The following SEPTIN12 variants were observed in gnomAD, a reference collection of about 807,000 sequenced individuals.
SEPTIN12 encodes septin 12.
In SEPTIN12, 42 loss-of-function variants were observed where a neutral mutation model predicts 37.7. The ratio of observed to expected loss-of-function variants is 1.11; its 90% CI spans 0.87 to 1.44. The LOEUF (loss-of-function observed/expected upper bound fraction) is 1.44. Ranked by LOEUF, SEPTIN12 falls within the 40% of genes most tolerant of loss-of-function variation. The pLI, the probability that SEPTIN12 is intolerant of heterozygous loss-of-function variation, is 0.00. For synonymous variants in SEPTIN12, 254 were observed against 196.7 expected, an observed-to-expected ratio of 1.29 and a Z score of -2.44; for missense variants, 613 against 479.2, an observed-to-expected ratio of 1.28 and a Z score of -2.61.
chr16:4,790,633 C>A (rs1320653421), upstream of SEPTIN12, among the ~76,000 whole-genome samples: 2 of 152,100 alleles, frequency 1.3e-5, no homozygotes, highest in Admixed American at 6.6e-5. Context: ...ACTAAAAATA[C>A]AAGAATTAGC....
chr16:4,783,479 G>A lies in SEPTIN12; in HGVS notation c.709C>T (p.Leu237Phe). 1 of 1,614,040 alleles carries A rather than the reference G, an allele frequency of 6.2e-7. No individual in the cohort carries two copies. Among genetic ancestry groups the A allele is most frequent in the Non-Finnish European group, 8.5e-7 (1 of 1,179,974 alleles). The change falls in exon 7 of 10, where the codon CTC becomes TTC. Residue 237 changes from leucine to phenylalanine, a missense_variant. Coordinates refer to ENST00000268231, the MANE Select transcript of SEPTIN12 (RefSeq NM_144605.5). ...CFDEDINDKI[L>F]NSKLRDRIPF... ...CCTCTCACCCGTAACTTGCTGTTGA[G>A]GATTTTGTCATTGATGTCCTCGTCA...
chr16:4,779,852 A>G, intron 7 of SEPTIN12, 66 bp from the exon 8 acceptor site: 1 of 1,060,006 alleles, frequency 9.4e-7, no homozygotes, highest in Admixed American at 1.7e-5. Flanking sequence ...AGAAAAGTCA[A>G]GGCACCCAGG....
chr16:4,785,362 C>T (rs1298850423), intron 4 of SEPTIN12, among the ~76,000 whole-genome samples: 1 of 139,372 alleles, frequency 7.2e-6, no homozygotes. Flanking sequence ...GATTCTGTCT[C>T]AAAAAAAAAA....
In SEPTIN12 at chr16:4,785,790, AAAG is replaced by A. The variant is rs1567569354; in HGVS notation, c.374+14_374+16del. ...TGAAACTCTGCCTAAAAAAAAAAAA[AAAG>A]AGAGAGAACCTACCAGTTGTCATTG... On this transcript the variant is annotated intron_variant, in intron 4 of 9. Coordinates refer to ENST00000268231, the MANE Select transcript of SEPTIN12 (RefSeq NM_144605.5). 4.8e-5 allele frequency: 74 copies of A among 1,532,672 alleles called. No homozygotes were observed. The highest frequency in any genetic ancestry group is 6.0e-5 in the African/African-American group (4 of 66,886). The allele number at this position is 1,532,672 out of a possible 1,614,324, so 94.9% of individuals were successfully genotyped here.
Position 4,783,924 on chromosome 16 carries a change from C to T in SEPTIN12, c.512+7G>A, listed in dbSNP as rs376407274. The T allele has an allele frequency of 6.2e-7, 1 of 1,614,080 alleles. No individual in the cohort carries two copies. The highest frequency in any genetic ancestry group is 8.5e-7 in the Non-Finnish European group (1 of 1,179,962). On this transcript the variant is annotated splice_region_variant and intron_variant, in intron 5 of 9. Transcript: ENST00000268231. ...TGGTCCTCGCCTTGCAGGTGCAGCC[C>T]CCTCACCAGTGCCCAGTGGGTGGTA...
Position 4,783,982 on chromosome 16 carries a change from G to C in SEPTIN12, c.461C>G (p.Pro154Arg), listed in dbSNP as rs936590560. 6.2e-7 allele frequency: 1 copy of C among 1,614,192 alleles called. No individual in the cohort carries two copies. The highest frequency in any genetic ancestry group is 8.5e-7 in the Non-Finnish European group (1 of 1,180,030). Reference sequence around the variant, plus strand: ...CACGCAGCAGTGCACCCGGGTGTCTGGGATGTGGCGCTGGCGGGTGATGAG... The same window carrying C: ...CACGCAGCAGTGCACCCGGGTGTCTCGGATGTGGCGCTGGCGGGTGATGAG... Reference protein sequence around the residue: ...EILITRQRHIPDTRVHCCVYF... With the variant: ...EILITRQRHIRDTRVHCCVYF... Residue 154 changes from proline to arginine, a missense_variant, in exon 5 of 10, where the codon CCA becomes CGA. By Grantham distance (103) the Pro-to-Arg change is moderately radical. Transcript: ENST00000268231.
At chr16:4,789,950 T>C (rs2082526271), upstream of SEPTIN12, 1 of 151,794 alleles carries the variant, frequency 6.6e-6, no homozygotes, top group Non-Finnish European at 1.5e-5. Context: ...GGTCTCACTT[T>C]GTCACCCAAG....
chr16:4,787,496 G>C lies in SEPTIN12; in HGVS notation c.150C>G (p.Phe50Leu). The C allele has an allele frequency of 6.2e-7, 1 of 1,612,906 alleles. No homozygotes were observed. Among genetic ancestry groups the C allele is most frequent in the East Asian group, 2.2e-5 (1 of 44,878 alleles). ...CTCACTCACCCACCACCATGATGTT[G>C]AACTCAAACCCCATCTTCATAGCCT... ...KIKAMKMGFE[F>L]NIMVVGQSGL... The change falls in exon 2 of 10, where the codon TTC becomes TTG. Residue 50 changes from phenylalanine (F) to leucine (L), a missense_variant. By Grantham distance (22) the Phe-to-Leu change is conservative. Transcript: ENST00000268231.
At chr16:4,787,829 A>C in intron 1 of SEPTIN12, 162 bp from the exon 2 acceptor site, 1 of 586,362 alleles carries the variant, frequency 1.7e-6, no homozygotes, top group South Asian at 2.0e-5. Flanking sequence ...GGGGTGTGGC[A>C]AGGGTGCCTG....
intron 7 of SEPTIN12, among the ~76,000 whole-genome samples, chr16:4,782,528 C>G (rs2082383276): frequency 6.6e-6 from 1 of 152,154 alleles, no homozygotes; most frequent in Admixed American, 6.6e-5. Context: ...AACCACCAGA[C>G]TGTTTTCCAA....
chr16:4,784,178 G>C (rs545719617), intron 4 of SEPTIN12, 110 bp from the exon 5 acceptor site: 16 of 1,297,684 alleles, frequency 1.2e-5, no homozygotes, highest in Non-Finnish European at 1.5e-5. Context: ...GAATCGTCCC[G>C]GTTGGCCCGG....
At chr16:4,791,100 G>C (rs1049216304), upstream of SEPTIN12, among the ~76,000 whole-genome samples, 5 of 152,230 alleles carry the variant, frequency 3.3e-5, no homozygotes, top group African/African-American at 9.6e-5. Flanking sequence ...ATGCGCCTCT[G>C]TGCAGAGAAA....
chr16:4,780,915 G>A (rs8045138), intron 7 of SEPTIN12, among the ~76,000 whole-genome samples: 35,895 of 151,674 alleles, frequency 0.24, 4,506 homozygotes, highest in South Asian at 0.41. Flanking sequence ...GAGGTTGGAG[G>A]TTGCTGTGAA....
chr16:4,788,928 C>T (rs182717933), upstream of SEPTIN12, among the ~76,000 whole-genome samples: 3 of 152,282 alleles, frequency 2.0e-5, no homozygotes, highest in African/African-American at 7.2e-5. Flanking sequence ...AGGTTATCAC[C>T]CTGACTTGAG....
intron 7 of SEPTIN12, among the ~76,000 whole-genome samples, chr16:4,781,645 ATTTT>A (rs35411843): frequency 7.4e-6 from 1 of 134,750 alleles, no homozygotes. Flanking sequence ...ACAGTGCTTC[ATTTT>A]TTTTTTTTTT....
chr16:4,780,634 T>C (rs1180984931), intron 7 of SEPTIN12, among the ~76,000 whole-genome samples: 1 of 152,174 alleles, frequency 6.6e-6, no homozygotes, highest in East Asian at 1.9e-4. Context: ...AACTCCGAAG[T>C]GACATATATG....
intron 4 of SEPTIN12, 49 bp downstream of exon 4, chr16:4,785,758 A>T: frequency 2.9e-6 from 4 of 1,375,022 alleles, no homozygotes; most frequent in Non-Finnish European, 4.1e-6. Context: ...AGCCTGGGTG[A>T]CAAGAGTGAA....
intron 2 of SEPTIN12, among the ~76,000 whole-genome samples, chr16:4,787,243 C>A (rs1001090054): frequency 8.5e-5 from 13 of 152,110 alleles, no homozygotes; most frequent in African/African-American, 2.9e-4. Flanking sequence ...AGTGATCCAC[C>A]CACCTCAGTC....
Position 4,784,000 on chromosome 16 carries a change from G to A in SEPTIN12, c.443C>T (p.Thr148Ile). The part of the protein sequence containing the change: ...EQYLQEEILI[T>I]RQRHIPDTRV... ...GGTGTCTGGGATGTGGCGCTGGCGG[G>A]TGATGAGGATCTCCTCCTGCAGGTA... The change falls in exon 5 of 10, where the codon ACC (threonine) becomes ATC (isoleucine). Residue 148 changes from threonine (T) to isoleucine (I), a missense_variant. Thr to Ile is a moderately conservative substitution (Grantham distance 89, BLOSUM62 -1). Coordinates refer to ENST00000268231, the MANE Select transcript of SEPTIN12 (RefSeq NM_144605.5). 6.2e-7 allele frequency: 1 copy of A among 1,614,198 alleles called. No homozygotes were observed. Among genetic ancestry groups the A allele is most frequent in the Non-Finnish European group, 8.5e-7 (1 of 1,180,020 alleles).
Sources: gnomAD v4.1 joint callset for allele counts (sites outside exome capture counted in the v4.1 genomes callset) on GRCh38, gnomAD v4.1.1 for gene constraint, MANE v1.5 for transcripts, NCBI Gene and HGNC (gene_info 2026-07-23, HGNC 2026-07-21) for gene names.